FHIT: variants seen among roughly 807,000 people sequenced by gnomAD.
FHIT encodes the protein fragile histidine triad diadenosine triphosphatase, also known as bis(5'-adenosyl)-triphosphatase.
FHIT carries 19 observed loss-of-function variants against 17.9 expected under a neutral mutation model. The observed-to-expected ratio is 1.06, with a 90% CI of 0.74 to 1.56. The LOEUF (loss-of-function observed/expected upper bound fraction) is 1.56, where lower values mean the gene tolerates loss of function less well. Ranked by LOEUF, FHIT falls within the 40% of genes most tolerant of loss-of-function variation. The probability of loss-of-function intolerance (pLI) is 0.00; values close to 1 mark genes in which losing one functional copy is unlikely to be tolerated. For missense variants in FHIT, 248 were observed against 189.2 expected (o/e 1.31, Z -1.82); for synonymous variants, 81 against 69.7 (o/e 1.16, Z -0.81).
intron 5 of FHIT, among the ~76,000 whole-genome samples, chr3:60,021,597 G>C (rs1303646777): frequency 6.6e-6 from 1 of 152,186 alleles, no homozygotes; most frequent in Non-Finnish European, 1.5e-5. Flanking sequence ...ACATTTGTTT[G>C]CTGCCTAGTA....
At chr3:60,668,371 GAAAAAAA>G (rs60941309) in intron 4 of FHIT, among the ~76,000 whole-genome samples, 2,809 of 67,978 alleles carry the variant, frequency 0.041, 139 homozygotes, top group African/African-American at 0.15. Flanking sequence ...GCTCAATCAG[GAAAAAAA>G]AAAAAAAAAA....
At chr3:59,947,572 G>A (rs1706876659) in intron 7 of FHIT, among the ~76,000 whole-genome samples, 1 of 152,138 alleles carries the variant, frequency 6.6e-6, no homozygotes, top group Admixed American at 6.5e-5. Flanking sequence ...AGGTTCAGTT[G>A]ATGAGCTTCA....
chr3:61,175,332 T>C (rs1470105796), intron 2 of FHIT, among the ~76,000 whole-genome samples: 1 of 152,134 alleles, frequency 6.6e-6, no homozygotes, highest in Non-Finnish European at 1.5e-5. Context: ...AATCCCTTTG[T>C]CCATTTCTGC....
In FHIT at chr3:61,051,691, C is replaced by T. The variant is rs148216119; in HGVS notation, c.-163-9592G>A. Among the ~76,000 whole-genome samples the T allele has an allele frequency of 4.3e-3, 650 of 149,554 alleles. 5 individuals are homozygous for T. The highest frequency in any genetic ancestry group is 0.016 in the African/African-American group (631 of 40,380). ...GTTTGTTGCATGAATAATAAATATG[C>T]AAATTTTAAGCCAAAAAAGAAATAT... On this transcript the variant is annotated intron_variant, in intron 2 of 9. Coordinates refer to ENST00000492590, the MANE Select transcript of FHIT (RefSeq NM_002012.4).
At position 60,927,440 on chromosome 3, in the gene FHIT, C is replaced by A. The variant is rs544875582; in HGVS notation, c.-110-105429G>T. Among the ~76,000 whole-genome samples the A allele has an allele frequency of 7.9e-5, 12 of 152,270 alleles. 1 individual carries two copies. The East Asian group carries it at 2.3e-3, about 29-fold the overall frequency. Reference sequence around the variant, plus strand: ...GAAGTGAGGAGCATCTCTGCCCAGCCGCCAATCATCTGGGATGTGAGGAGC... The same window carrying A: ...GAAGTGAGGAGCATCTCTGCCCAGCAGCCAATCATCTGGGATGTGAGGAGC... On this transcript the variant is annotated intron_variant, in intron 3 of 9. Transcript: ENST00000492590.
chr3:60,223,795 G>A (rs1352039813), intron 5 of FHIT, among the ~76,000 whole-genome samples: 1 of 152,018 alleles, frequency 6.6e-6, no homozygotes, highest in Non-Finnish European at 1.5e-5. Flanking sequence ...TAGGACCCTG[G>A]GTTTTTCTCC....
At chr3:60,611,501 G>A (rs1490920126) in intron 4 of FHIT, among the ~76,000 whole-genome samples, 3 of 152,128 alleles carry the variant, frequency 2.0e-5, no homozygotes, top group Non-Finnish European at 4.4e-5. Flanking sequence ...TGGCATAAAC[G>A]GGTTAAGGAA....
At chr3:61,067,795 T>C (rs2034663573) in intron 2 of FHIT, among the ~76,000 whole-genome samples, 1 of 152,212 alleles carries the variant, frequency 6.6e-6, no homozygotes, top group Non-Finnish European at 1.5e-5. Flanking sequence ...ATTTGGTATC[T>C]GCAGAATTTG....
At chr3:61,049,554 T>C (rs1027564055) in intron 2 of FHIT, among the ~76,000 whole-genome samples, 1 of 152,136 alleles carries the variant, frequency 6.6e-6, no homozygotes. Flanking sequence ...AACTAACTCA[T>C]GTTATCTTCA....
chr3:60,090,576 C>T (rs1703688112), intron 5 of FHIT, among the ~76,000 whole-genome samples: 2 of 152,122 alleles, frequency 1.3e-5, no homozygotes, highest in Admixed American at 1.3e-4. Context: ...TTCTGACACC[C>T]ACAAGTAATT....
chr3:60,008,306 TG>T (rs1357613449), intron 7 of FHIT, among the ~76,000 whole-genome samples: 1 of 152,154 alleles, frequency 6.6e-6, no homozygotes, highest in Admixed American at 6.6e-5. Flanking sequence ...AATCACCTTG[TG>T]GATGGCAGGG....
At chr3:60,041,964 C>A (rs1701457263) in intron 5 of FHIT, among the ~76,000 whole-genome samples, 2 of 151,992 alleles carry the variant, frequency 1.3e-5, no homozygotes, top group Admixed American at 1.3e-4. Flanking sequence ...TGGAAAAATC[C>A]ACATTTTAAA....
At chr3:60,303,467 A>C (rs1708530112) in intron 5 of FHIT, among the ~76,000 whole-genome samples, 1 of 152,170 alleles carries the variant, frequency 6.6e-6, no homozygotes, top group Non-Finnish European at 1.5e-5. Context: ...CAGTATGGCA[A>C]AGCAGCATTC....
intron 3 of FHIT, among the ~76,000 whole-genome samples, chr3:60,946,742 T>G (rs990789623): frequency 1.3e-5 from 2 of 151,926 alleles, no homozygotes; most frequent in Non-Finnish European, 2.9e-5. Flanking sequence ...AGACACCAAC[T>G]CCACTGTCAG....
chr3:60,441,779 T>TAA (rs373712445), intron 5 of FHIT, among the ~76,000 whole-genome samples: 2 of 20,420 alleles, frequency 9.8e-5, no homozygotes, highest in African/African-American at 2.4e-4. Context: ...TTTATATGTA[T>TAA]AAAAATATAT....
intron 7 of FHIT, among the ~76,000 whole-genome samples, chr3:59,985,158 CT>C (rs1443938217): frequency 1.3e-5 from 2 of 152,084 alleles, no homozygotes; most frequent in Non-Finnish European, 2.9e-5. Flanking sequence ...GGGCATGCAG[CT>C]TCTGGACATG....
chr3:59,976,274 A>T (rs962102643), intron 7 of FHIT, among the ~76,000 whole-genome samples: 2 of 151,998 alleles, frequency 1.3e-5, no homozygotes, highest in African/African-American at 4.8e-5. Context: ...CCCTGCCCTG[A>T]CTCCCCAGAA....
intron 2 of FHIT, among the ~76,000 whole-genome samples, chr3:61,120,779 G>A (rs2036435220): frequency 6.6e-6 from 1 of 152,022 alleles, no homozygotes; most frequent in Admixed American, 6.6e-5. Context: ...TCAGAAGGTG[G>A]GTAATGACAA....
intron 3 of FHIT, among the ~76,000 whole-genome samples, chr3:60,930,806 G>A (rs1707911835): frequency 6.6e-6 from 1 of 152,180 alleles, no homozygotes; most frequent in African/African-American, 2.4e-5. Flanking sequence ...AGTCAGTGTG[G>A]TGATTCCTCA....
Sources: gnomAD v4.1 joint callset for allele counts (sites outside exome capture counted in the v4.1 genomes callset) on GRCh38, gnomAD v4.1.1 for gene constraint, MANE v1.5 for transcripts, NCBI Gene and HGNC (gene_info 2026-07-23, HGNC 2026-07-21) for gene names.